The following TMEM164 variants were observed in gnomAD, a reference collection of about 807,000 sequenced individuals.
TMEM164 encodes the protein transmembrane protein 164, also known as RP13-360B22.2.
Under a neutral mutation model 18.8 loss-of-function variants are expected in TMEM164, and 4 were observed. The ratio of observed to expected loss-of-function variants is 0.21; its 90% confidence interval spans 0.10 to 0.49. TMEM164 has a LOEUF of 0.49. Among genes scored for constraint, TMEM164 ranks in the 20% least tolerant of loss-of-function variants. TMEM164 has a pLI of 0.98. For missense variants in TMEM164, 108 were observed against 239.9 expected (o/e 0.45, Z 3.63); for synonymous variants, 86 against 101.7 (o/e 0.85, Z 0.93).
rs191762080 is a variant in TMEM164 at position 110,060,584 on chromosome X, A to G, written c.391-6763A>G. On this transcript the variant is annotated intron_variant, in intron 2 of 6. Transcript: ENST00000372068. ...AAAATTAGCATTTATACAATGCAAT[A>G]TGAACTTAACTACAGTCTTTATTTG... Among the ~76,000 whole-genome samples the G allele has an allele frequency of 3.8e-3, 432 of 112,216 alleles. 1 individual carries two copies. The South Asian group carries it at 0.039, about 10-fold the overall frequency.
chrX:110,045,260 T>G (rs958242257), intron 2 of TMEM164, among the ~76,000 whole-genome samples: 1 of 111,912 alleles, frequency 8.9e-6, no homozygotes, highest in African/African-American at 3.3e-5. Flanking sequence ...GCTGGCAGAA[T>G]GGTGTTTCCT....
At chrX:110,141,451 A>C (rs750237727) in intron 4 of TMEM164, among the ~76,000 whole-genome samples, 1 of 112,358 alleles carries the variant, frequency 8.9e-6, no homozygotes, top group Non-Finnish European at 1.9e-5. Flanking sequence ...GAGGCCTCAC[A>C]ATCATGGCAG....
At chrX:110,008,721 T>C (rs1273394354) in intron 2 of TMEM164, among the ~76,000 whole-genome samples, 3 of 111,641 alleles carry the variant, frequency 2.7e-5, no homozygotes, top group African/African-American at 6.5e-5. Context: ...GCTCATGGCT[T>C]GCTACAGGAA....
intron 3 of TMEM164, among the ~76,000 whole-genome samples, chrX:110,078,029 G>A (rs2065697928): frequency 8.9e-6 from 1 of 112,245 alleles, no homozygotes; most frequent in Non-Finnish European, 1.9e-5. Context: ...AAATTTTCAT[G>A]AACTGTATCC....
chrX:110,079,356 C>A (rs1439923517), intron 3 of TMEM164, among the ~76,000 whole-genome samples: 2 of 111,909 alleles, frequency 1.8e-5, no homozygotes, highest in Admixed American at 1.9e-4. Flanking sequence ...AATCAACAAG[C>A]AAAATGTGTT....
At chrX:110,141,047 A>G (rs1314672829) in intron 4 of TMEM164, among the ~76,000 whole-genome samples, 1 of 112,089 alleles carries the variant, frequency 8.9e-6, no homozygotes, top group Non-Finnish European at 1.9e-5. Flanking sequence ...AGGTTAAGGC[A>G]GGAGGATTGC....
At chrX:110,100,879 G>A (rs759286099) in intron 3 of TMEM164, among the ~76,000 whole-genome samples, 6 of 111,211 alleles carry the variant, frequency 5.4e-5, no homozygotes, top group Non-Finnish European at 9.4e-5. Flanking sequence ...GTGAGCCACC[G>A]TGCCTGGCCA....
intron 2 of TMEM164, among the ~76,000 whole-genome samples, chrX:110,008,533 T>TAGTG (rs1293843890): frequency 1.8e-5 from 2 of 111,455 alleles, no homozygotes; most frequent in Admixed American, 9.5e-5. Context: ...TGGGCCTCAC[T>TAGTG]AGTGAGGCAT....
At chrX:110,164,286 G>A (rs772334708) in intron 5 of TMEM164, among the ~76,000 whole-genome samples, 6 of 111,425 alleles carry the variant, frequency 5.4e-5, no homozygotes, top group Non-Finnish European at 1.1e-4. Flanking sequence ...AGTCAAAGGC[G>A]TATGCAAGGG....
chrX:110,142,711 C>T (rs979984494), intron 4 of TMEM164, among the ~76,000 whole-genome samples: 6 of 113,057 alleles, frequency 5.3e-5, no homozygotes, highest in South Asian at 3.6e-4. Flanking sequence ...TTCATTTTAC[C>T]GATGCCAAAA....
chrX:110,127,102 G>T (rs906172861), intron 4 of TMEM164, among the ~76,000 whole-genome samples: 4 of 111,073 alleles, frequency 3.6e-5, no homozygotes, highest in Non-Finnish European at 7.5e-5. Flanking sequence ...CAAGGGAATG[G>T]CAGCTCTCCA....
chrX:110,084,884 T>C (rs1256600858), intron 3 of TMEM164, among the ~76,000 whole-genome samples: 1 of 110,609 alleles, frequency 9.0e-6, no homozygotes, highest in Non-Finnish European at 1.9e-5. Flanking sequence ...ATGTGAAATT[T>C]ATTTATTTTT....
intron 2 of TMEM164, among the ~76,000 whole-genome samples, chrX:110,027,637 G>A (rs1404358484): frequency 1.8e-5 from 2 of 110,417 alleles, no homozygotes; most frequent in African/African-American, 6.6e-5. Context: ...GTGTGTACCT[G>A]TAGTCCTAGC....
intron 5 of TMEM164, among the ~76,000 whole-genome samples, chrX:110,155,881 C>A (rs1291461662): frequency 2.7e-5 from 3 of 111,993 alleles, no homozygotes; most frequent in African/African-American, 9.7e-5. Flanking sequence ...GACTCCGATT[C>A]TATCACTTTA....
chrX:110,095,548 C>T (rs1383574721), intron 3 of TMEM164, among the ~76,000 whole-genome samples: 2 of 111,873 alleles, frequency 1.8e-5, no homozygotes, highest in African/African-American at 3.3e-5. Context: ...TTAAGGTCTT[C>T]TCTACACTGT....
chrX:110,020,546 G>C (rs993149242), intron 2 of TMEM164: 1 of 752,601 alleles, frequency 1.3e-6, no homozygotes, highest in African/African-American at 2.3e-5. Flanking sequence ...AGACTCTGAC[G>C]GAGCAGCCAT....
chrX:110,034,425 T>G, intron 2 of TMEM164, among the ~76,000 whole-genome samples: 1 of 112,664 alleles, frequency 8.9e-6, no homozygotes, highest in African/African-American at 3.2e-5. Flanking sequence ...AAGGGCCAGA[T>G]AGTAAATGTT....
chrX:110,113,314 A>G (rs772357028), intron 4 of TMEM164, among the ~76,000 whole-genome samples: 5 of 111,606 alleles, frequency 4.5e-5, no homozygotes, highest in Admixed American at 9.5e-5. Context: ...TGTATTTGCA[A>G]TTGGTTTAGG....
intron 2 of TMEM164, chrX:110,055,404 G>T (rs1935777316): frequency 3.2e-6 from 1 of 314,467 alleles, no homozygotes; most frequent in African/African-American, 2.8e-5. Context: ...CGCCACTAGG[G>T]TTGTGCAGTG....
Sources: gnomAD v4.1 joint callset for allele counts (sites outside exome capture counted in the v4.1 genomes callset) on GRCh38, gnomAD v4.1.1 for gene constraint, MANE v1.5 for transcripts, NCBI Gene and HGNC (gene_info 2026-07-23, HGNC 2026-07-21) for gene names.